Variants in CNTN4 observed in about 807,000 individuals in gnomAD.
CNTN4 encodes contactin 4, also known as contactin-4.
Under a neutral mutation model 122.5 loss-of-function variants are expected in CNTN4, and 77 were observed. The observed-to-expected ratio is 0.63, with a 90% CI of 0.52 to 0.76. CNTN4 has a LOEUF of 0.76. CNTN4 is among the 30% of genes least tolerant of loss of function. The pLI, the probability that CNTN4 is intolerant of heterozygous loss-of-function variation, is 0.00. For missense variants in CNTN4, 1,256 were observed against 1,259.1 expected, an observed-to-expected ratio of 1.00 and a Z score of 0.04; for synonymous variants, 512 against 447.0, an observed-to-expected ratio of 1.15 and a Z score of -1.83.
At chr3:2,905,383 C>A (rs1179867540) in intron 12 of CNTN4, among the ~76,000 whole-genome samples, 1 of 152,134 alleles carries the variant, frequency 6.6e-6, no homozygotes, top group Non-Finnish European at 1.5e-5. Context: ...CGGTGAAGTC[C>A]CCCTTCTGGG....
At chr3:2,492,579 G>C (rs774081832) in intron 3 of CNTN4, among the ~76,000 whole-genome samples, 11 of 152,180 alleles carry the variant, frequency 7.2e-5, no homozygotes, top group Non-Finnish European at 1.2e-4. Flanking sequence ...TTACAGATAC[G>C]TAGGTGACCA....
intron 7 of CNTN4, among the ~76,000 whole-genome samples, chr3:2,857,045 C>G (rs2093625478): frequency 6.6e-6 from 1 of 152,156 alleles, no homozygotes; most frequent in African/African-American, 2.4e-5. Flanking sequence ...GACAAAAAAC[C>G]TCTATGGAAT....
chr3:2,816,618 C>T (rs1334672216), intron 6 of CNTN4, among the ~76,000 whole-genome samples: 5 of 150,982 alleles, frequency 3.3e-5, no homozygotes, highest in African/African-American at 2.4e-5. Flanking sequence ...GTCAAGAGAT[C>T]GAGACTATCC....
intron 6 of CNTN4, among the ~76,000 whole-genome samples, chr3:2,781,581 G>T (rs1003165148): frequency 4.6e-5 from 7 of 152,072 alleles, no homozygotes; most frequent in Admixed American, 4.6e-4. Context: ...GTGCCCAAGT[G>T]GTCGGGGTGC....
rs1396716663 is a variant in CNTN4, at chr3:2,178,146, A to G, written c.-145+77507A>G. Among the ~76,000 whole-genome samples, 3 of 145,214 alleles carry G rather than the reference A, an allele frequency of 2.1e-5. No homozygotes were observed. In the East Asian group the frequency reaches 5.8e-4, roughly 28 times the overall value. ...TGCATTTCATGCTGCCTGGTGTTGAAGGTATTTGTGTAAGGCTTTTATACT... is the reference window on the plus strand; with the variant it reads ...TGCATTTCATGCTGCCTGGTGTTGAGGGTATTTGTGTAAGGCTTTTATACT... On this transcript the variant is annotated intron_variant, in intron 2 of 24. Coordinates refer to ENST00000418658, the MANE Select transcript of CNTN4 (RefSeq NM_175607.3).
At position 3,013,797 on chromosome 3, in the gene CNTN4, A is replaced by G. The variant is rs558195768; in HGVS notation, c.1487-12305A>G. 3.1e-4 allele frequency among the ~76,000 whole-genome samples: 47 copies of G among 152,204 alleles called. No homozygotes were observed. In the South Asian group the frequency reaches 9.3e-3, roughly 30 times the overall value. ...TTTTCTTATGTATCTCTCTGTGAAT[A>G]TTGGTTTATTCGATGCTGCAGCAGT... On this transcript the variant is annotated intron_variant, in intron 14 of 24. Coordinates refer to ENST00000418658, the MANE Select transcript of CNTN4 (RefSeq NM_175607.3).
At chr3:2,259,625 A>C (rs137970457) in intron 2 of CNTN4, among the ~76,000 whole-genome samples, 1,803 of 152,318 alleles carry the variant, frequency 0.012, 16 homozygotes, top group Middle Eastern at 0.031. Context: ...GCGCCAAGCA[A>C]AAAGGGAATC....
chr3:3,020,020 A>C (rs1698150659), intron 14 of CNTN4, among the ~76,000 whole-genome samples: 1 of 152,114 alleles, frequency 6.6e-6, no homozygotes, highest in African/African-American at 2.4e-5. Flanking sequence ...CCTTATAAGA[A>C]AATTCAGCAA....
At chr3:2,168,455 T>TA (rs1417579237) in intron 2 of CNTN4, among the ~76,000 whole-genome samples, 2 of 151,864 alleles carry the variant, frequency 1.3e-5, no homozygotes, top group African/African-American at 4.9e-5. Context: ...GGTCAGATGT[T>TA]TACTGAGAGA....
Position 3,043,717 on chromosome 3 carries a change from T to C in CNTN4, c.2811+13T>C. Reference sequence around the variant, plus strand: ...AAAAGGATACAAAGTAGGTAATTTCTTTTTTGCAAAGGCACCTAATCGTGC... The same window carrying C: ...AAAAGGATACAAAGTAGGTAATTTCCTTTTTGCAAAGGCACCTAATCGTGC... On this transcript the variant is annotated intron_variant, in intron 23 of 24. Transcript: ENST00000418658. 6.3e-7 allele frequency: 1 copy of C among 1,578,678 alleles called. No individual in the cohort carries two copies. Among genetic ancestry groups the C allele is most frequent in the Non-Finnish European group, 8.7e-7 (1 of 1,147,890 alleles).
At chr3:2,572,303 T>C (rs1256145569) in intron 4 of CNTN4, among the ~76,000 whole-genome samples, 1 of 152,144 alleles carries the variant, frequency 6.6e-6, no homozygotes, top group African/African-American at 2.4e-5. Context: ...GGAGAATTGC[T>C]TGAACCCAGA....
intron 3 of CNTN4, among the ~76,000 whole-genome samples, chr3:2,532,506 A>G (rs2077635029): frequency 6.6e-6 from 1 of 152,184 alleles, no homozygotes; most frequent in Admixed American, 6.5e-5. Flanking sequence ...AGCCATCCCT[A>G]GACTCTGTAT....
At chr3:2,583,729 ATTCAT>A (rs2080051513) in intron 4 of CNTN4, among the ~76,000 whole-genome samples, 1 of 152,174 alleles carries the variant, frequency 6.6e-6, no homozygotes, top group Non-Finnish European at 1.5e-5. Flanking sequence ...ATAACTGTTC[ATTCAT>A]TTAATAACAA....
chr3:2,426,712 G>C, intron 3 of CNTN4, among the ~76,000 whole-genome samples: 1 of 152,008 alleles, frequency 6.6e-6, no homozygotes, highest in Admixed American at 6.6e-5. Context: ...GACTTTTTTT[G>C]GTTGGTAGGC....
At chr3:2,553,298 C>A (rs552522636) in intron 3 of CNTN4, among the ~76,000 whole-genome samples, 1 of 152,110 alleles carries the variant, frequency 6.6e-6, no homozygotes, top group African/African-American at 2.4e-5. Context: ...GCACTCATTC[C>A]GGGGCATGTG....
intron 2 of CNTN4, among the ~76,000 whole-genome samples, chr3:2,236,893 G>A (rs778024554): frequency 4.6e-5 from 7 of 152,162 alleles, no homozygotes; most frequent in Non-Finnish European, 1.0e-4. Flanking sequence ...GCAGAAGACG[G>A]TTAAGAGAGA....
At chr3:2,163,821 C>A (rs2036066536) in intron 2 of CNTN4, among the ~76,000 whole-genome samples, 1 of 152,050 alleles carries the variant, frequency 6.6e-6, no homozygotes, top group African/African-American at 2.4e-5. Flanking sequence ...GTCAAAATGA[C>A]TGTTATTAAA....
chr3:2,817,344 T>A (rs973046720), intron 6 of CNTN4, among the ~76,000 whole-genome samples: 5 of 152,214 alleles, frequency 3.3e-5, no homozygotes, highest in African/African-American at 4.8e-5. Context: ...AGCTAATAAG[T>A]GGCAGAGATG....
At chr3:2,437,756 C>T (rs748261117) in intron 3 of CNTN4, among the ~76,000 whole-genome samples, 1 of 152,090 alleles carries the variant, frequency 6.6e-6, no homozygotes, top group Non-Finnish European at 1.5e-5. Flanking sequence ...AACTCTGAAG[C>T]GTGAAGCGTA....
Sources: gnomAD v4.1 joint callset for allele counts (sites outside exome capture counted in the v4.1 genomes callset) on GRCh38, gnomAD v4.1.1 for gene constraint, MANE v1.5 for transcripts, NCBI Gene and HGNC (gene_info 2026-07-23, HGNC 2026-07-21) for gene names.